The following NOL4 variants were observed in gnomAD, a reference collection of about 807,000 sequenced individuals.
The protein encoded by NOL4 is nucleolar protein 4.
In NOL4, 17 loss-of-function variants were observed where a neutral mutation model predicts 75.9. That is an observed-to-expected ratio of 0.22 (90% CI 0.15 to 0.34). The LOEUF (loss-of-function observed/expected upper bound fraction) is 0.34. Among genes scored for constraint, NOL4 ranks in the 10% least tolerant of loss-of-function variants. The probability of loss-of-function intolerance (pLI) is 1.00; values close to 1 mark genes in which losing one functional copy is unlikely to be tolerated. For synonymous variants in NOL4, 292 were observed against 289.9 expected (o/e 1.01, Z -0.07); for missense variants, 614 against 793.5 (o/e 0.77, Z 2.72).
chr18:34,048,927 T>C (rs762412609), intron 5 of NOL4, among the ~76,000 whole-genome samples: 30 of 152,140 alleles, frequency 2.0e-4, no homozygotes, highest in South Asian at 4.1e-4. Flanking sequence ...CACTACCCCC[T>C]TTAAATTAAA....
intron 9 of NOL4, among the ~76,000 whole-genome samples, chr18:33,925,385 A>T (rs1480464086): frequency 6.6e-6 from 1 of 152,194 alleles, no homozygotes; most frequent in Non-Finnish European, 1.5e-5. Flanking sequence ...TTTTAAAAAA[A>T]CTAGCTCAAA....
chr18:34,142,055 T>A (rs1219547775), intron 1 of NOL4, among the ~76,000 whole-genome samples: 2 of 152,070 alleles, frequency 1.3e-5, no homozygotes, highest in African/African-American at 4.8e-5. Flanking sequence ...GAAGACATTT[T>A]TGCAGCCAAC....
chr18:33,941,862 ATT>A (rs2068513202), intron 9 of NOL4, among the ~76,000 whole-genome samples: 1 of 151,940 alleles, frequency 6.6e-6, no homozygotes, highest in South Asian at 2.1e-4. Flanking sequence ...GTATAGATAC[ATT>A]TTATAGATAT....
intron 6 of NOL4, among the ~76,000 whole-genome samples, chr18:34,009,445 G>A (rs1039851538): frequency 6.6e-5 from 10 of 151,906 alleles, no homozygotes; most frequent in African/African-American, 1.4e-4. Context: ...GAATATTAAC[G>A]AATGGAAGAC....
chr18:34,114,154 GT>G (rs1382269770), intron 2 of NOL4, among the ~76,000 whole-genome samples: 1 of 152,096 alleles, frequency 6.6e-6, no homozygotes, highest in Non-Finnish European at 1.5e-5. Context: ...CTTGGACCCA[GT>G]TTTCCAATGT....
At chr18:34,081,945 C>T (rs994905351) in intron 5 of NOL4, among the ~76,000 whole-genome samples, 3 of 152,110 alleles carry the variant, frequency 2.0e-5, no homozygotes, top group Admixed American at 6.6e-5. Context: ...AGAACCAATA[C>T]ATTTCAATGG....
intron 5 of NOL4, among the ~76,000 whole-genome samples, chr18:34,028,062 C>A (rs2075435937): frequency 6.6e-6 from 1 of 152,190 alleles, no homozygotes; most frequent in Admixed American, 6.5e-5. Context: ...ACTGTACTAA[C>A]TGTATCAATT....
At chr18:33,871,260 T>G (rs1012496451) in intron 10 of NOL4, among the ~76,000 whole-genome samples, 4 of 152,028 alleles carry the variant, frequency 2.6e-5, no homozygotes, top group Non-Finnish European at 5.9e-5. Context: ...ACTCTTGGAA[T>G]GATTCAAGTA....
Position 33,880,355 on chromosome 18 carries a change from C to T in NOL4, c.1723+2889G>A, listed in dbSNP as rs191699250. ...TGTGTGTGTGTAATGAAACTTTTCTCCTGGATTTAAAGTATAGTTAGGAAA... is the reference window on the plus strand; with the variant it reads ...TGTGTGTGTGTAATGAAACTTTTCTTCTGGATTTAAAGTATAGTTAGGAAA... On this transcript the variant is annotated intron_variant, in intron 10 of 10. Coordinates refer to ENST00000261592, the MANE Select transcript of NOL4 (RefSeq NM_003787.5). Among the ~76,000 whole-genome samples the T allele has an allele frequency of 2.7e-5, 4 of 147,690 alleles. No homozygotes were observed. The East Asian group carries it at 8.1e-4, about 30-fold the overall frequency.
intron 9 of NOL4, among the ~76,000 whole-genome samples, chr18:33,902,895 T>C (rs1191720417): frequency 6.6e-6 from 1 of 152,126 alleles, no homozygotes; most frequent in African/African-American, 2.4e-5. Flanking sequence ...TACATGTATG[T>C]AATTTTCTGT....
At chr18:33,934,698 T>C (rs1941350) in intron 9 of NOL4, among the ~76,000 whole-genome samples, 121,022 of 152,018 alleles carry the variant, frequency 0.8, 48,182 homozygotes, top group East Asian at 0.86. Context: ...TCACCTCTCT[T>C]ACTCTTCATA....
intron 5 of NOL4, among the ~76,000 whole-genome samples, chr18:34,066,786 T>C (rs2145199196): frequency 6.6e-6 from 1 of 151,754 alleles, no homozygotes; most frequent in South Asian, 2.1e-4. Context: ...TTTTCTATTC[T>C]ATCTCTAACA....
rs1202385663 is a variant in NOL4, at chr18:34,197,863, G to C, written c.264+25127C>G. Among the ~76,000 whole-genome samples, 4 of 152,036 alleles carry C rather than the reference G, an allele frequency of 2.6e-5. No individual in the cohort carries two copies. The East Asian group carries it at 7.7e-4, about 29-fold the overall frequency. ...AGAGAGGAAATGGGTTGATAAAAAT[G>C]AAAAGAGCTTCAGAGATTTATGGGA... On this transcript the variant is annotated intron_variant, in intron 1 of 10. Transcript: ENST00000261592.
At chr18:34,118,519 T>C (rs1037245331) in intron 2 of NOL4, among the ~76,000 whole-genome samples, 2 of 152,182 alleles carry the variant, frequency 1.3e-5, no homozygotes, top group African/African-American at 4.8e-5. Context: ...CATAAACATA[T>C]AGAACACCAA....
intron 6 of NOL4, among the ~76,000 whole-genome samples, chr18:33,992,802 CT>C (rs1476694153): frequency 1.3e-5 from 2 of 152,112 alleles, no homozygotes; most frequent in South Asian, 2.1e-4. Context: ...AGCTCAGTTC[CT>C]AAGGTAGAGG....
At position 33,911,827 on chromosome 18, in the gene NOL4, C is replaced by T. The variant is rs543934559; in HGVS notation, c.1543-28403G>A. Among the ~76,000 whole-genome samples, 116 of 152,186 alleles carry T rather than the reference C, an allele frequency of 7.6e-4. 2 individuals are homozygous for T. The highest frequency in any genetic ancestry group is 6.8e-3 in the Middle Eastern group (2 of 294). On this transcript the variant is annotated intron_variant, in intron 9 of 10. Coordinates refer to ENST00000261592, the MANE Select transcript of NOL4 (RefSeq NM_003787.5). ...AAAGGCCTGCAGCAGAGATGTATAG[C>T]TTTCAGCTTGAATAATTTAATTTAT...
At chr18:34,204,984 G>C (rs2036019052) in intron 1 of NOL4, among the ~76,000 whole-genome samples, 1 of 152,084 alleles carries the variant, frequency 6.6e-6, no homozygotes, top group Non-Finnish European at 1.5e-5. Flanking sequence ...ACCAATTTCT[G>C]TCATTTGCAT....
intron 10 of NOL4, among the ~76,000 whole-genome samples, chr18:33,869,729 T>G (rs1171305967): frequency 6.6e-6 from 1 of 152,102 alleles, no homozygotes; most frequent in Non-Finnish European, 1.5e-5. Context: ...TCTTTTATAC[T>G]ATTAGTCAAT....
intron 9 of NOL4, among the ~76,000 whole-genome samples, chr18:33,903,846 G>T (rs1434332834): frequency 6.6e-6 from 1 of 152,004 alleles, no homozygotes; most frequent in Non-Finnish European, 1.5e-5. Context: ...AATCCATTTT[G>T]CACTGCAAAC....
Sources: allele counts gnomAD v4.1 joint callset (sites outside exome capture counted in the v4.1 genomes callset), GRCh38; gene constraint gnomAD v4.1.1; transcripts MANE v1.5; gene names NCBI Gene and HGNC (gene_info 2026-07-23, HGNC 2026-07-21).